Variants in CWF19L2 observed in about 807,000 individuals in gnomAD.
CWF19L2 encodes CWF19 like cell cycle control factor 2.
CWF19L2 carries 98 observed loss-of-function variants against 111.7 expected under a neutral mutation model. The ratio of observed to expected loss-of-function variants is 0.88; its 90% CI spans 0.75 to 1.04. The LOEUF (loss-of-function observed/expected upper bound fraction) is 1.04, where lower values mean the gene tolerates loss of function less well. Ranked by LOEUF, CWF19L2 falls within the 50% of genes least tolerant of loss-of-function variation. The probability of loss-of-function intolerance (pLI) is 0.00; values close to 1 mark genes in which losing one functional copy is unlikely to be tolerated. For missense variants in CWF19L2, 1,101 were observed against 1,051.4 expected (o/e 1.05, Z -0.65); for synonymous variants, 351 against 342.9 (o/e 1.02, Z -0.26).
intron 10 of CWF19L2, among the ~76,000 whole-genome samples, chr11:107,407,832 T>C (rs1215463775): frequency 6.6e-6 from 1 of 152,000 alleles, no homozygotes; most frequent in Admixed American, 6.6e-5. Context: ...ATACTGTTCA[T>C]AACACAATAA....
At chr11:107,429,524 T>C (rs1861433998) in intron 7 of CWF19L2, 73 bp from the exon 8 acceptor site, 5 of 1,207,104 alleles carry the variant, frequency 4.1e-6, no homozygotes, top group Non-Finnish European at 4.5e-6. Flanking sequence ...CACATGTCAC[T>C]GTATGACTCA....
At chr11:107,393,322 A>C (rs949836785) in intron 10 of CWF19L2, among the ~76,000 whole-genome samples, 1 of 152,182 alleles carries the variant, frequency 6.6e-6, no homozygotes, top group African/African-American at 2.4e-5. Context: ...TACTACCCGT[A>C]ACTTCTATTC....
chr11:107,353,516 C>T lies in CWF19L2; in HGVS notation c.2085+8G>A, dbSNP rs779719294. The stretch of plus-strand genomic sequence containing the variant: ...GAATGTAAGCAAAGGATAATAAATA[C>T]TTCTTACCTTAACACCTATTGCAAC... On this transcript the variant is annotated splice_region_variant and intron_variant, in intron 13 of 17. Transcript: ENST00000282251. The T allele has an allele frequency of 3.7e-6, 6 of 1,604,948 alleles. No homozygotes were observed. Among genetic ancestry groups the T allele is most frequent in the African/African-American group, 2.7e-5 (2 of 74,734 alleles).
chr11:107,416,112 A>G (rs1436427521), intron 10 of CWF19L2, 97 bp downstream of exon 10: 1 of 306,760 alleles, frequency 3.3e-6, no homozygotes, highest in African/African-American at 2.2e-5. Context: ...AATAGATAAA[A>G]TAAAATAAAA....
At chr11:107,439,430 T>G (rs1008560636) in intron 5 of CWF19L2, among the ~76,000 whole-genome samples, 1 of 152,220 alleles carries the variant, frequency 6.6e-6, no homozygotes, top group African/African-American at 2.4e-5. Context: ...TCAAAAATCC[T>G]GGTCAGCCCT....
intron 10 of CWF19L2, among the ~76,000 whole-genome samples, chr11:107,394,844 C>G (rs1860899250): frequency 6.6e-6 from 1 of 152,116 alleles, no homozygotes; most frequent in Non-Finnish European, 1.5e-5. Flanking sequence ...AAAAAAAATT[C>G]ACCGTGTTAA....
intron 14 of CWF19L2, among the ~76,000 whole-genome samples, chr11:107,348,162 T>C (rs1860108071): frequency 6.6e-6 from 1 of 152,150 alleles, no homozygotes. Context: ...TTAAATGCCA[T>C]CAAAACATCT....
rs1041775712 is a variant in CWF19L2 at position 107,404,938 on chromosome 11, G to C, written c.1617+11271C>G. On this transcript the variant is annotated intron_variant, in intron 10 of 17. Coordinates refer to ENST00000282251, the MANE Select transcript of CWF19L2 (RefSeq NM_152434.3). ...GAGTAACCAAGACAGAAATATTGAG[G>C]AGCTCAGAAACAATGAGCAAGTTCC... 3.3e-5 allele frequency among the ~76,000 whole-genome samples: 5 copies of C among 152,078 alleles called. No individual in the cohort carries two copies. In the East Asian group the frequency reaches 9.6e-4, roughly 29 times the overall value.
chr11:107,373,353 G>T (rs561940163), intron 12 of CWF19L2, among the ~76,000 whole-genome samples: 1 of 133,272 alleles, frequency 7.5e-6, no homozygotes, highest in East Asian at 2.2e-4. Context: ...AGTAACCTTC[G>T]CAGACTTAAA....
intron 12 of CWF19L2, among the ~76,000 whole-genome samples, chr11:107,372,335 T>G (rs1860522587): frequency 7.6e-6 from 1 of 132,286 alleles, no homozygotes; most frequent in African/African-American, 3.1e-5. Context: ...ATGAATATTC[T>G]GTTTAATCAA....
At chr11:107,331,282 G>C (rs1859846444) in intron 16 of CWF19L2, among the ~76,000 whole-genome samples, 2 of 152,170 alleles carry the variant, frequency 1.3e-5, no homozygotes. Context: ...AGTCTCATGA[G>C]AAACATGAAG....
intron 12 of CWF19L2, among the ~76,000 whole-genome samples, chr11:107,359,511 AG>A (rs1263420848): frequency 6.6e-6 from 1 of 152,194 alleles, no homozygotes; most frequent in Non-Finnish European, 1.5e-5. Flanking sequence ...TGGGAATCTT[AG>A]GGAAAAAACA....
intron 13 of CWF19L2, among the ~76,000 whole-genome samples, chr11:107,350,384 T>C (rs753721501): frequency 3.9e-5 from 6 of 152,094 alleles, no homozygotes; most frequent in Non-Finnish European, 5.9e-5. Flanking sequence ...TATTTGGAGG[T>C]AGGGGACTTC....
intron 3 of CWF19L2, among the ~76,000 whole-genome samples, chr11:107,453,620 G>A (rs1228108704): frequency 1.3e-5 from 2 of 151,644 alleles, no homozygotes. Context: ...AGCTGTGGTG[G>A]CTATGGGGAG....
At chr11:107,392,621 T>C (rs1247020192) in intron 11 of CWF19L2, among the ~76,000 whole-genome samples, 158 bp downstream of exon 11, 1 of 152,116 alleles carries the variant, frequency 6.6e-6, no homozygotes, top group Non-Finnish European at 1.5e-5. Flanking sequence ...CAAAGAGATA[T>C]AACTAAGAAT....
chr11:107,454,659 A>G (rs1426186708), intron 2 of CWF19L2, 87 bp from the exon 3 acceptor site: 4 of 965,252 alleles, frequency 4.1e-6, no homozygotes, highest in Non-Finnish European at 5.4e-6. Flanking sequence ...AATAAACCAC[A>G]TTCTAAAAAA....
At chr11:107,392,144 C>T (rs1860857571) in intron 11 of CWF19L2, among the ~76,000 whole-genome samples, 1 of 152,124 alleles carries the variant, frequency 6.6e-6, no homozygotes, top group Non-Finnish European at 1.5e-5. Context: ...GCAACATAGG[C>T]ACTCAACAGG....
intron 6 of CWF19L2, 131 bp from the exon 7 acceptor site, chr11:107,433,880 TTATATATA>T (rs61304388): frequency 0.044 from 5,402 of 122,154 alleles, 233 homozygotes; most frequent in African/African-American, 0.11. Flanking sequence ...CTTTGGAATT[TTATATATA>T]TATATATATA....
chr11:107,455,216 T>G (rs1365201284), intron 2 of CWF19L2, among the ~76,000 whole-genome samples: 2 of 152,178 alleles, frequency 1.3e-5, no homozygotes, highest in Non-Finnish European at 2.9e-5. Context: ...ATATGTTCAT[T>G]AGCTTGACTG....
Sources: gnomAD v4.1 joint callset for allele counts (sites outside exome capture counted in the v4.1 genomes callset) on GRCh38, gnomAD v4.1.1 for gene constraint, MANE v1.5 for transcripts, NCBI Gene and HGNC (gene_info 2026-07-23, HGNC 2026-07-21) for gene names.